The following MDGA1 variants were observed in gnomAD, a reference collection of about 807,000 sequenced individuals.
MDGA1 encodes the protein MAM domain-containing glycosylphosphatidylinositol anchor protein 1.
Under a neutral mutation model 101.5 loss-of-function variants are expected in MDGA1, and 54 were observed. The observed-to-expected ratio is 0.53, with a 90% CI of 0.43 to 0.67. The LOEUF (loss-of-function observed/expected upper bound fraction) is 0.67, where lower values mean the gene tolerates loss of function less well. Ranked by LOEUF, MDGA1 falls within the 30% of genes least tolerant of loss-of-function variation. The pLI, the probability that MDGA1 is intolerant of heterozygous loss-of-function variation, is 0.00. For missense variants in MDGA1, 1,083 were observed against 1,323.8 expected (o/e 0.82, Z 2.82); for synonymous variants, 533 against 558.3 (o/e 0.95, Z 0.64).
In MDGA1 at chr6:37,658,367, GA is replaced by G; in HGVS notation, c.259del (p.Ser87ArgfsTer48). 2 of 1,612,900 alleles carry G rather than the reference GA, an allele frequency of 1.2e-6. No homozygotes were observed. The highest frequency in any genetic ancestry group is 1.7e-6 in the Non-Finnish European group (2 of 1,179,620). On this transcript the variant is annotated frameshift_variant, in exon 3 of 17. Coordinates refer to ENST00000434837, the MANE Select transcript of MDGA1 (RefSeq NM_153487.4). LOFTEE classifies it high-confidence loss of function. ...GSASDKFQETSVFNETLRIER... is the reference protein window; with the variant it reads ...GSASDKFQETXVFNETLRIER... The stretch of plus-strand genomic sequence containing the variant: ...GATGCGCAGCGTCTCGTTGAACACC[GA>G]TGTCTCCTGGAACTTGTCCGAGGCG...
chr6:37,670,326 G>T (rs1400322463), intron 1 of MDGA1, among the ~76,000 whole-genome samples: 1 of 152,180 alleles, frequency 6.6e-6, no homozygotes, highest in Non-Finnish European at 1.5e-5. Context: ...GGGTGGAAAT[G>T]CTCAAAGCAG....
At chr6:37,664,167 G>C in intron 1 of MDGA1, 61 bp from the exon 2 acceptor site, 4 of 1,604,292 alleles carry the variant, frequency 2.5e-6, no homozygotes, top group Non-Finnish European at 2.6e-6. Flanking sequence ...GAAGAAGTCT[G>C]GGGCTCCCTC....
At chr6:37,683,375 T>TA in intron 1 of MDGA1, among the ~76,000 whole-genome samples, 1 of 152,206 alleles carries the variant, frequency 6.6e-6, no homozygotes, top group East Asian at 1.9e-4. Context: ...AACAAAGAGC[T>TA]CCACACAGCA....
At chr6:37,693,005 G>A (rs891435378) in intron 1 of MDGA1, among the ~76,000 whole-genome samples, 5 of 152,194 alleles carry the variant, frequency 3.3e-5, no homozygotes, top group African/African-American at 1.2e-4. Flanking sequence ...CCTCACACTG[G>A]CTAAAGGGCC....
intron 9 of MDGA1, chr6:37,648,729 GGT>G (rs1448789133): frequency 5.0e-6 from 3 of 604,772 alleles, no homozygotes; most frequent in African/African-American, 4.0e-5. Flanking sequence ...CTCAAGGGAA[GGT>G]GTGAGTGGAG....
In MDGA1 at chr6:37,649,265, G is replaced by T. The variant is rs1761300645; in HGVS notation, c.1611C>A (p.Phe537Leu). The T allele has an allele frequency of 1.0e-5, 15 of 1,492,916 alleles. No individual in the cohort carries two copies. Among genetic ancestry groups the T allele is most frequent in the Non-Finnish European group, 1.3e-5 (15 of 1,130,562 alleles). The allele number at this position is 1,492,916 out of a possible 1,614,324, so 92.5% of individuals were successfully genotyped here. The change falls in exon 9 of 17, where the codon TTC (phenylalanine) becomes TTA (leucine). Residue 537 changes from phenylalanine to leucine, a missense_variant and splice_region_variant. Phe to Leu is a conservative substitution (Grantham distance 22). Coordinates refer to ENST00000434837, the MANE Select transcript of MDGA1 (RefSeq NM_153487.4). ...REAQVQLNVQ[F>L]PPEVEPSSQD... is the part of the protein sequence containing the mutation. Reference sequence around the variant, plus strand: ...GGGAACTGGGCTCCACCTCCGGCGGGACTGGGGGCGGGAGCGGCGGTCAGC... The same window carrying T: ...GGGAACTGGGCTCCACCTCCGGCGGTACTGGGGGCGGGAGCGGCGGTCAGC...
intron 1 of MDGA1, among the ~76,000 whole-genome samples, chr6:37,681,824 C>T (rs937269093): frequency 6.6e-6 from 1 of 152,140 alleles, no homozygotes; most frequent in Non-Finnish European, 1.5e-5. Flanking sequence ...CACCCTCACC[C>T]CAGCCAGGCT....
intron 2 of MDGA1, among the ~76,000 whole-genome samples, chr6:37,660,034 CTCTT>C (rs762543005): frequency 6.9e-5 from 5 of 72,458 alleles, no homozygotes; most frequent in Non-Finnish European, 1.3e-4. Context: ...CTTTATCTCT[CTCTT>C]TTTTTTTTTT....
intron 1 of MDGA1, among the ~76,000 whole-genome samples, chr6:37,692,361 T>C (rs574648538): frequency 3.4e-4 from 51 of 151,860 alleles, no homozygotes; most frequent in African/African-American, 1.2e-3. Flanking sequence ...CTAGGTCCTC[T>C]GTCTTCACCG....
chr6:37,689,038 A>G (rs951306689), intron 1 of MDGA1, among the ~76,000 whole-genome samples: 3 of 152,132 alleles, frequency 2.0e-5, no homozygotes, highest in African/African-American at 7.2e-5. Flanking sequence ...AGACTTGTGC[A>G]CGGGAAAGTT....
intron 13 of MDGA1, among the ~76,000 whole-genome samples, 192 bp downstream of exon 13, chr6:37,644,305 G>A (rs1005533514): frequency 1.3e-5 from 2 of 152,008 alleles, no homozygotes; most frequent in African/African-American, 4.8e-5. Flanking sequence ...TGAGGATGGG[G>A]CTGTGTCTCA....
intron 1 of MDGA1, among the ~76,000 whole-genome samples, chr6:37,664,473 A>G (rs1467567158): frequency 6.6e-6 from 1 of 152,076 alleles, no homozygotes; most frequent in Non-Finnish European, 1.5e-5. Flanking sequence ...CCCCAAGGTG[A>G]CAGGTGCATC....
intron 11 of MDGA1, 117 bp downstream of exon 11, chr6:37,646,081 A>G: frequency 6.4e-7 from 1 of 1,574,554 alleles, no homozygotes; most frequent in Middle Eastern, 1.7e-4. Context: ...TCTGGCCTGC[A>G]GTGACAAGGT....
intron 13 of MDGA1, 65 bp downstream of exon 13, chr6:37,644,432 G>A: frequency 7.0e-7 from 1 of 1,428,816 alleles, no homozygotes; most frequent in Non-Finnish European, 9.2e-7. Context: ...CCAGTCTGGG[G>A]TGCCCTGGGC....
At chr6:37,646,031 G>A (rs1415788725) in intron 11 of MDGA1, 75 bp from the exon 12 acceptor site, 2 of 1,605,576 alleles carry the variant, frequency 1.2e-6, no homozygotes, top group Non-Finnish European at 1.7e-6. Context: ...CTTGGGACCA[G>A]AGGACAGGGT....
Position 37,673,183 on chromosome 6 carries a change from C to T in MDGA1, c.68-9077G>A, listed in dbSNP as rs150570191. 5.2e-3 allele frequency among the ~76,000 whole-genome samples: 786 copies of T among 152,246 alleles called. 31 individuals carry two copies. Among genetic ancestry groups the T allele is most frequent in the Admixed American group, 0.046 (698 of 15,302 alleles). On this transcript the variant is annotated intron_variant, in intron 1 of 16. Coordinates refer to ENST00000434837, the MANE Select transcript of MDGA1 (RefSeq NM_153487.4). ...ACTCTCCGTCTTTCATGCTAACCGC[C>T]ATGCATTTCCACTTCGCAAGTGCCT...
In MDGA1 at chr6:37,664,403, C is replaced by G. The variant is rs184929540; in HGVS notation, c.68-297G>C. ...TCATCTGTACAGACTGGTCGTCACT[C>G]AGTTAGCATCACCATCTTAGCAGTC... On this transcript the variant is annotated intron_variant, in intron 1 of 16. Coordinates refer to ENST00000434837, the MANE Select transcript of MDGA1 (RefSeq NM_153487.4). 821 of 294,308 alleles carry G rather than the reference C, an allele frequency of 2.8e-3. 11 individuals carry two copies. The highest frequency in any genetic ancestry group is 5.0e-4 in the Non-Finnish European group (78 of 155,632). The allele number at this position is 294,308 out of a possible 1,614,324, so 18.2% of individuals were successfully genotyped here.
At chr6:37,647,825 G>T (rs948739647) in intron 9 of MDGA1, among the ~76,000 whole-genome samples, 24 of 152,100 alleles carry the variant, frequency 1.6e-4, no homozygotes, top group Admixed American at 5.9e-4. Context: ...GGCAGGGCTG[G>T]GTGGAGGGGA....
At chr6:37,645,560 G>A (rs567174439) in intron 12 of MDGA1, among the ~76,000 whole-genome samples, 72 of 152,080 alleles carry the variant, frequency 4.7e-4, no homozygotes, top group African/African-American at 1.7e-3. Flanking sequence ...GAAATTAATT[G>A]TATGCCTTTC....
Sources: allele counts gnomAD v4.1 joint callset (sites outside exome capture counted in the v4.1 genomes callset), GRCh38; gene constraint gnomAD v4.1.1; transcripts MANE v1.5; gene names NCBI Gene and HGNC (gene_info 2026-07-23, HGNC 2026-07-21).